ERC2: variants seen among roughly 807,000 people sequenced by gnomAD.
ERC2 encodes the protein ERC protein 2.
In ERC2, 42 loss-of-function variants were observed where a neutral mutation model predicts 114.8. The ratio of observed to expected loss-of-function variants is 0.37; its 90% CI spans 0.29 to 0.47. The LOEUF is 0.47. Among genes scored for constraint, ERC2 ranks in the 20% least tolerant of loss-of-function variants. The probability of loss-of-function intolerance (pLI) is 0.99; values close to 1 mark genes in which losing one functional copy is unlikely to be tolerated. For missense variants in ERC2, 939 were observed against 1,150.7 expected, an observed-to-expected ratio of 0.82 and a Z score of 2.66; for synonymous variants, 454 against 425.5, an observed-to-expected ratio of 1.07 and a Z score of -0.82.
In ERC2 at chr3:56,389,186, T is replaced by C. The variant is rs117885689; in HGVS notation, c.657+45165A>G. Among the ~76,000 whole-genome samples the C allele has an allele frequency of 2.4e-3, 366 of 152,208 alleles. 15 individuals are homozygous for C. The East Asian group carries it at 0.064, about 27-fold the overall frequency. ...GCTGTTAGGTTGAAAGTATTGATCA[T>C]TGGGGGACTCTATTGCATGGGAGGA... On this transcript the variant is annotated intron_variant, in intron 2 of 17. Coordinates refer to ENST00000288221, the MANE Select transcript of ERC2 (RefSeq NM_015576.3).
chr3:55,891,375 G>GATT (rs1217345200), intron 13 of ERC2, among the ~76,000 whole-genome samples: 1 of 150,686 alleles, frequency 6.6e-6, no homozygotes, highest in African/African-American at 2.4e-5. Context: ...TTGCCTCTGA[G>GATT]ATTGGGGGTG....
intron 3 of ERC2, among the ~76,000 whole-genome samples, chr3:56,249,855 C>CTTTTTTTTT (rs34668162): frequency 3.5e-5 from 4 of 112,822 alleles, no homozygotes; most frequent in Admixed American, 1.2e-4. Context: ...CATCAAATTT[C>CTTTTTTTTT]TTTTTTTTTT....
chr3:56,049,950 GA>G (rs2075684371), intron 7 of ERC2, among the ~76,000 whole-genome samples: 1 of 151,484 alleles, frequency 6.6e-6, no homozygotes, highest in African/African-American at 2.4e-5. Context: ...CCAAGCAAAA[GA>G]AGCTAGACCC....
chr3:56,259,476 T>C (rs538903853), intron 3 of ERC2, among the ~76,000 whole-genome samples: 4 of 151,950 alleles, frequency 2.6e-5, no homozygotes, highest in African/African-American at 4.8e-5. Context: ...TTATGAAAAA[T>C]TGAGCAGAAT....
chr3:56,113,252 TGAAA>T (rs1409056086), intron 6 of ERC2, among the ~76,000 whole-genome samples: 1 of 152,066 alleles, frequency 6.6e-6, no homozygotes, highest in Non-Finnish European at 1.5e-5. Context: ...TGACAACAAA[TGAAA>T]GAAAGAGCTG....
chr3:55,879,484 C>T (rs979242354), intron 14 of ERC2, among the ~76,000 whole-genome samples: 4 of 152,064 alleles, frequency 2.6e-5, no homozygotes, highest in African/African-American at 9.7e-5. Context: ...CCTAATACCC[C>T]TTATAGGTCA....
intron 14 of ERC2, among the ~76,000 whole-genome samples, chr3:55,874,014 G>A (rs1235421537): frequency 1.3e-5 from 2 of 152,216 alleles, no homozygotes; most frequent in Admixed American, 1.3e-4. Flanking sequence ...GAATGAGTCA[G>A]TGACTAAACA....
chr3:55,816,836 T>G (rs866237216), intron 14 of ERC2, among the ~76,000 whole-genome samples: 14 of 152,080 alleles, frequency 9.2e-5, no homozygotes, highest in African/African-American at 3.4e-4. Flanking sequence ...TGTAGGTTGC[T>G]ATGGACAATC....
intron 11 of ERC2, among the ~76,000 whole-genome samples, chr3:55,990,942 A>G (rs111583159): frequency 0.035 from 5,296 of 152,228 alleles, 154 homozygotes; most frequent in Middle Eastern, 0.11. Context: ...AAGATTTTTA[A>G]AAATTAGCCA....
intron 17 of ERC2, among the ~76,000 whole-genome samples, chr3:55,531,055 C>A (rs1480801693): frequency 6.6e-6 from 1 of 152,042 alleles, no homozygotes; most frequent in South Asian, 2.1e-4. Context: ...TTTTCCAAGT[C>A]TTTTTGCCCT....
At chr3:55,566,976 C>T (rs1490301270) in intron 17 of ERC2, among the ~76,000 whole-genome samples, 2 of 152,196 alleles carry the variant, frequency 1.3e-5, no homozygotes, top group Non-Finnish European at 2.9e-5. Flanking sequence ...GTTGGGATTA[C>T]AGGCATAAGC....
chr3:56,305,548 A>T (rs990166185), intron 2 of ERC2, among the ~76,000 whole-genome samples: 6 of 149,896 alleles, frequency 4.0e-5, no homozygotes, highest in African/African-American at 1.5e-4. Context: ...ACACACACAC[A>T]CACACACTAT....
intron 7 of ERC2, among the ~76,000 whole-genome samples, chr3:56,034,332 T>C (rs886669639): frequency 3.9e-5 from 6 of 151,974 alleles, no homozygotes; most frequent in African/African-American, 1.2e-4. Context: ...TTTAAATATA[T>C]TAAGGAAATA....
intron 7 of ERC2, among the ~76,000 whole-genome samples, chr3:56,080,142 G>T (rs764550070): frequency 2.6e-5 from 4 of 152,066 alleles, no homozygotes; most frequent in Non-Finnish European, 5.9e-5. Flanking sequence ...TTTACTAAGA[G>T]AAGGCAGGAT....
At chr3:56,356,964 C>A (rs4974203) in intron 2 of ERC2, among the ~76,000 whole-genome samples, 1 of 151,976 alleles carries the variant, frequency 6.6e-6, no homozygotes, top group African/African-American at 2.4e-5. Context: ...GAACACAAAC[C>A]CACAACTGTC....
At chr3:55,953,476 C>T (rs2067719449) in intron 12 of ERC2, among the ~76,000 whole-genome samples, 3 of 152,160 alleles carry the variant, frequency 2.0e-5, no homozygotes, top group Admixed American at 2.0e-4. Flanking sequence ...GAAGTAGTTC[C>T]ACAGTTTTCA....
At chr3:56,020,971 A>G (rs2073675917) in intron 7 of ERC2, among the ~76,000 whole-genome samples, 3 of 152,142 alleles carry the variant, frequency 2.0e-5, no homozygotes, top group African/African-American at 7.2e-5. Context: ...AGAAATAGGG[A>G]TGGTGGAGAC....
chr3:56,090,682 G>A (rs193260697), intron 6 of ERC2, among the ~76,000 whole-genome samples: 3 of 141,708 alleles, frequency 2.1e-5, no homozygotes, highest in Non-Finnish European at 3.1e-5. Flanking sequence ...TTTTTTTTTA[G>A]ATCTGGGTTT....
At chr3:55,994,072 A>C (rs966537919) in intron 10 of ERC2, among the ~76,000 whole-genome samples, 1 of 152,170 alleles carries the variant, frequency 6.6e-6, no homozygotes, top group African/African-American at 2.4e-5. Flanking sequence ...TTAAATTGCT[A>C]AAGAAAAACT....
Sources: allele counts gnomAD v4.1 joint callset (sites outside exome capture counted in the v4.1 genomes callset), GRCh38; gene constraint gnomAD v4.1.1; transcripts MANE v1.5; gene names NCBI Gene and HGNC (gene_info 2026-07-23, HGNC 2026-07-21).